CYP3A5: variants seen among roughly 807,000 people sequenced by gnomAD.
CYP3A5 encodes cytochrome P450 3A5.
In CYP3A5, 51 loss-of-function variants were observed where a neutral mutation model predicts 55.9. The ratio of observed to expected loss-of-function variants is 0.91; its 90% CI spans 0.73 to 1.15. The LOEUF (loss-of-function observed/expected upper bound fraction) is 1.15. CYP3A5 is among the 50% of genes most tolerant of loss of function. CYP3A5 has a pLI of 0.00. For synonymous variants in CYP3A5, 196 were observed against 213.9 expected (o/e 0.92, Z 0.73); for missense variants, 533 against 596.6 (o/e 0.89, Z 1.11).
Position 99,679,832 on chromosome 7 carries a change from A to G in CYP3A5, c.65T>C (p.Leu22Pro). ...AGTTTGGACAGTTACTCACAGATAG[A>G]GGAGCACCAGGCTGACAGCCAGGAG... ...WLLLAVSLVL[L>P]YLYGTRTHGL... The change falls in exon 1 of 13, where the codon CTC becomes CCC. Residue 22 changes from leucine to proline, a missense_variant. Leu to Pro is a moderately conservative substitution (Grantham distance 98, BLOSUM62 -3). Coordinates refer to ENST00000222982, the MANE Select transcript of CYP3A5 (RefSeq NM_000777.5). 2 of 1,614,156 alleles carry G rather than the reference A, an allele frequency of 1.2e-6. No individual in the cohort carries two copies. The highest frequency in any genetic ancestry group is 1.7e-6 in the Non-Finnish European group (2 of 1,179,982).
In CYP3A5 at chr7:99,674,592, G is replaced by A; in HGVS notation, c.166-7C>T. ...TGTCAAATTTCCAGAGACCCTGGGA[G>A]AGGAAACAAAATACAAGTTGATTAT... On this transcript the variant is annotated splice_region_variant and splice_polypyrimidine_tract_variant and intron_variant, in intron 2 of 12. Coordinates refer to ENST00000222982, the MANE Select transcript of CYP3A5 (RefSeq NM_000777.5). The A allele has an allele frequency of 6.2e-7, 1 of 1,611,672 alleles. No homozygotes were observed. The highest frequency in any genetic ancestry group is 8.5e-7 in the Non-Finnish European group (1 of 1,178,058).
At chr7:99,675,377 G>A (rs1236975270) in intron 2 of CYP3A5, among the ~76,000 whole-genome samples, 2 of 152,126 alleles carry the variant, frequency 1.3e-5, no homozygotes, top group East Asian at 3.9e-4. Context: ...AGAAATTACT[G>A]CTTTTATCGA....
chr7:99,676,330 A>C, intron 1 of CYP3A5, 122 bp from the exon 2 acceptor site: 3 of 1,554,048 alleles, frequency 1.9e-6, no homozygotes, highest in African/African-American at 2.7e-5. Context: ...ATAAATAATA[A>C]CAGCAACTCC....
chr7:99,673,854 C>T (rs1811948699), intron 3 of CYP3A5, among the ~76,000 whole-genome samples: 1 of 152,142 alleles, frequency 6.6e-6, no homozygotes, highest in African/African-American at 2.4e-5. Context: ...GCTGGGAGTC[C>T]CTGGGCCACC....
At chr7:99,652,402 G>T in intron 11 of CYP3A5, 151 bp downstream of exon 11, 275 of 518,746 alleles carry the variant, frequency 5.3e-4, no homozygotes, top group Non-Finnish European at 5.4e-4. Flanking sequence ...TCTGTGGTTT[G>T]TAAAGTTTGA....
chr7:99,662,693 G>T lies in CYP3A5; in HGVS notation c.865+123C>A. ...CAGCTACCATTTATAACATCTAAATGTGTGTTGTTCTGCTATGTGGCAAAA... is the reference window on the plus strand; with the variant it reads ...CAGCTACCATTTATAACATCTAAATTTGTGTTGTTCTGCTATGTGGCAAAA... On this transcript the variant is annotated intron_variant, in intron 9 of 12. Transcript: ENST00000222982. The surrounding 1 kb of genome is among the most constrained non-coding windows in gnomAD (Gnocchi z 4.3). The T allele has an allele frequency of 2.3e-6, 2 of 882,882 alleles. No homozygotes were observed. Among genetic ancestry groups the T allele is most frequent in the Non-Finnish European group, 3.6e-6 (2 of 550,122 alleles). The allele number at this position is 882,882 out of a possible 1,614,324, so 54.7% of individuals were successfully genotyped here.
intron 10 of CYP3A5, chr7:99,659,778 G>C (rs1810206585): frequency 6.5e-6 from 1 of 153,512 alleles, no homozygotes; most frequent in African/African-American, 2.4e-5. Context: ...GCAATGGCGG[G>C]CGCCCCTCCC....
At chr7:99,667,773 G>A (rs1274101837) in intron 4 of CYP3A5, among the ~76,000 whole-genome samples, 1 of 152,064 alleles carries the variant, frequency 6.6e-6, no homozygotes, top group Non-Finnish European at 1.5e-5. Context: ...AATAAACTAG[G>A]AAGAGAGAGA....
intron 8 of CYP3A5, chr7:99,663,359 AG>A: frequency 1.0e-6 from 1 of 991,992 alleles, no homozygotes; most frequent in Non-Finnish European, 1.2e-6. Context: ...TATAATCTTC[AG>A]TGACAGCTGG....
Position 99,664,085 on chromosome 7 carries a change from T to C in CYP3A5, c.681A>G (p.Pro227=), listed in dbSNP as rs777175289. The change falls in exon 8 of 13, where the codon CCA becomes CCG. Residue 227 remains proline (P), a synonymous_variant. Coordinates refer to ENST00000222982, the MANE Select transcript of CYP3A5 (RefSeq NM_000777.5). The part of the protein sequence containing the change: ...DPLFLSIILF[P]FLTPVFEALN... ...ATGCTTCAAAAACTGGGGTAAGGAA[T>C]GGAAAGAGTACTGTGGGAAAAACAA... The C allele has an allele frequency of 2.5e-6, 4 of 1,587,380 alleles. No individual in the cohort carries two copies. Among genetic ancestry groups the C allele is most frequent in the Non-Finnish European group, 3.4e-6 (4 of 1,173,556 alleles).
chr7:99,679,708 A>G (rs1812649993), intron 1 of CYP3A5, 118 bp downstream of exon 1: 6 of 925,452 alleles, frequency 6.5e-6, no homozygotes, highest in Admixed American at 3.8e-5. Context: ...AGCGTCCAAC[A>G]CTTCAGCTAC....
At chr7:99,674,318 C>G in intron 3 of CYP3A5, 2 of 424,736 alleles carry the variant, frequency 4.7e-6, no homozygotes, top group Non-Finnish European at 8.4e-6. Flanking sequence ...TTGTTTACCT[C>G]CCTGAATTTG....
rs1425423637 is a variant in CYP3A5, at chr7:99,653,572, T to C, written c.1027-793A>G. ...CTACCAAGGTACACAATTTGAGTTC[T>C]AGTTAAAGTTATGAAGAGAATAGAA... is the stretch of plus-strand genomic sequence containing the variant. On this transcript the variant is annotated intron_variant, in intron 10 of 12. Coordinates refer to ENST00000222982, the MANE Select transcript of CYP3A5 (RefSeq NM_000777.5). The surrounding 1 kb of genome is among the most constrained non-coding windows in gnomAD (Gnocchi z 4.2). 2.6e-5 allele frequency among the ~76,000 whole-genome samples: 4 copies of C among 152,240 alleles called. No individual in the cohort carries two copies. Among genetic ancestry groups the C allele is most frequent in the African/African-American group, 9.6e-5 (4 of 41,466 alleles).
intron 4 of CYP3A5, among the ~76,000 whole-genome samples, chr7:99,670,353 C>G (rs1427160772): frequency 6.6e-6 from 1 of 152,154 alleles, no homozygotes; most frequent in Non-Finnish European, 1.5e-5. Context: ...CCATATGAAA[C>G]TGAAATTATG....
rs1170559274 is a variant in CYP3A5 at position 99,662,031 on chromosome 7, TTGAGA to T, written c.865+780_865+784del. ...ATTTTCTTTATCACAGCAAGTTTTG[TTGAGA>T]TAGATAGATGATTAATTGATAAATT... On this transcript the variant is annotated intron_variant, in intron 9 of 12. Coordinates refer to ENST00000222982, the MANE Select transcript of CYP3A5 (RefSeq NM_000777.5). This position sits in a 1 kb window ranked among gnomAD's most constrained non-coding sequence, Gnocchi z 4.3. Among the ~76,000 whole-genome samples the T allele has an allele frequency of 6.6e-6, 1 of 152,222 alleles. No individual in the cohort carries two copies. Among genetic ancestry groups the T allele is most frequent in the Non-Finnish European group, 1.5e-5 (1 of 68,042 alleles).
chr7:99,676,489 G>A (rs1812298562), intron 1 of CYP3A5: 1 of 1,399,280 alleles, frequency 7.1e-7, no homozygotes, highest in African/African-American at 1.4e-5. Flanking sequence ...ATGCTCCTGA[G>A]AGGTTCAGGC....
chr7:99,674,492 C>A, intron 3 of CYP3A5, 41 bp downstream of exon 3: 1 of 1,535,950 alleles, frequency 6.5e-7, no homozygotes, highest in Non-Finnish European at 9.0e-7. Context: ...AACCTCCTCA[C>A]AGTAGCAGGT....
At chr7:99,668,993 T>A (rs1811313064) in intron 4 of CYP3A5, among the ~76,000 whole-genome samples, 1 of 152,266 alleles carries the variant, frequency 6.6e-6, no homozygotes, top group African/African-American at 2.4e-5. Context: ...AGTATTCTTA[T>A]TTGATTATTA....
At position 99,660,485 on chromosome 7, in the gene CYP3A5, G is replaced by C; in HGVS notation, c.1026+14C>G. On this transcript the variant is annotated intron_variant, in intron 10 of 12. Coordinates refer to ENST00000222982, the MANE Select transcript of CYP3A5 (RefSeq NM_000777.5). ...TTCACCTCTTCCCTTCATCTCCAGGGGTCATCCCCTCACCTTATTGGGCAA... is the reference window on the plus strand; with the variant it reads ...TTCACCTCTTCCCTTCATCTCCAGGCGTCATCCCCTCACCTTATTGGGCAA... 5 of 1,600,810 alleles carry C rather than the reference G, an allele frequency of 3.1e-6. No homozygotes were observed. The highest frequency in any genetic ancestry group is 4.3e-6 in the Non-Finnish European group (5 of 1,173,576).
Sources: gnomAD v4.1 joint callset for allele counts (sites outside exome capture counted in the v4.1 genomes callset) on GRCh38, gnomAD v4.1.1 for gene constraint, Gnocchi (gnomAD v3.1) non-coding constraint, MANE v1.5 for transcripts, NCBI Gene and HGNC (gene_info 2026-07-23, HGNC 2026-07-21) for gene names.